The following GPM6A variants were observed in gnomAD, a reference collection of about 807,000 sequenced individuals.
GPM6A encodes the protein glycoprotein M6A.
Under a neutral mutation model 32.1 loss-of-function variants are expected in GPM6A, and 7 were observed. That is an observed-to-expected ratio of 0.22 (90% confidence interval 0.12 to 0.41). GPM6A has a LOEUF of 0.41. GPM6A is among the 10% of genes least tolerant of loss of function. The pLI, the probability that GPM6A is intolerant of heterozygous loss-of-function variation, is 1.00. For synonymous variants in GPM6A, 130 were observed against 123.4 expected, an observed-to-expected ratio of 1.05 and a Z score of -0.35; for missense variants, 235 against 347.2, an observed-to-expected ratio of 0.68 and a Z score of 2.57.
intron 1 of GPM6A, among the ~76,000 whole-genome samples, chr4:175,953,815 C>T (rs371064429): frequency 5.9e-5 from 9 of 152,284 alleles, no homozygotes; most frequent in East Asian, 3.9e-4. Flanking sequence ...AGGAGAATTG[C>T]TTGAACCCGG....
chr4:175,745,205 T>C (rs1488331245), intron 1 of GPM6A, among the ~76,000 whole-genome samples: 1 of 152,194 alleles, frequency 6.6e-6, no homozygotes, highest in East Asian at 1.9e-4. Flanking sequence ...TCTGTTATCC[T>C]GACATACATT....
chr4:175,880,002 G>A (rs1737217916), intron 1 of GPM6A, among the ~76,000 whole-genome samples: 1 of 152,072 alleles, frequency 6.6e-6, no homozygotes. Context: ...TTTTCTTCTA[G>A]GGATTTTATG....
At chr4:175,765,104 C>T (rs912442063) in intron 1 of GPM6A, among the ~76,000 whole-genome samples, 1 of 151,936 alleles carries the variant, frequency 6.6e-6, no homozygotes, top group Non-Finnish European at 1.5e-5. Flanking sequence ...GAACTCCTGA[C>T]CTCAGGTGAT....
intron 1 of GPM6A, among the ~76,000 whole-genome samples, chr4:175,868,360 T>C (rs567335130): frequency 2.6e-5 from 4 of 152,356 alleles, no homozygotes; most frequent in African/African-American, 9.6e-5. Flanking sequence ...CTGTAGTATC[T>C]GTAGTGAAAC....
chr4:175,634,471 T>A lies in GPM6A; in HGVS notation c.*434A>T, dbSNP rs1204072467. The A allele has an allele frequency of 6.2e-6, 1 of 160,864 alleles. No homozygotes were observed. The highest frequency in any genetic ancestry group is 1.4e-5 in the Non-Finnish European group (1 of 73,948). The allele number at this position is 160,864 out of a possible 1,614,324, so 10.0% of individuals were successfully genotyped here. On this transcript the variant is annotated 3_prime_UTR_variant, in exon 7 of 7. Transcript: ENST00000393658. ...TTGTTCATAATGTACAATGGTCCCT[T>A]TGAAGGTTACCTGTAGTTAAACTAG... is the stretch of plus-strand genomic sequence containing the variant.
At chr4:175,879,172 T>C (rs1299637837) in intron 1 of GPM6A, among the ~76,000 whole-genome samples, 2 of 152,166 alleles carry the variant, frequency 1.3e-5, no homozygotes, top group South Asian at 2.1e-4. Context: ...GTCAAAGCCA[T>C]TCACCAAGTC....
chr4:175,641,133 T>C (rs1741119079), intron 4 of GPM6A: 1 of 355,676 alleles, frequency 2.8e-6, no homozygotes, highest in South Asian at 3.2e-5. Context: ...ATTAATGTGA[T>C]AGTATAGGCA....
chr4:175,799,009 A>C (rs1734351494), intron 1 of GPM6A, among the ~76,000 whole-genome samples: 1 of 152,242 alleles, frequency 6.6e-6, no homozygotes, highest in Non-Finnish European at 1.5e-5. Context: ...AATGAGTTCA[A>C]AGATTTCAGT....
intron 1 of GPM6A, chr4:175,906,602 C>T (rs1479225975): frequency 1.3e-5 from 2 of 152,090 alleles, no homozygotes; most frequent in Admixed American, 1.3e-4. Flanking sequence ...TGCATGTCAC[C>T]ACCTCCGCAC....
intron 1 of GPM6A, among the ~76,000 whole-genome samples, chr4:175,737,923 T>C (rs889584538): frequency 6.6e-6 from 1 of 150,822 alleles, no homozygotes; most frequent in East Asian, 1.9e-4. Flanking sequence ...CATCTAAACA[T>C]CTCCCACTAG....
In GPM6A at chr4:175,651,934, G is replaced by A. The variant is rs749337410; in HGVS notation, c.441C>T (p.Phe147=). 1.2e-6 allele frequency: 2 copies of A among 1,612,418 alleles called. No individual in the cohort carries two copies. The highest frequency in any genetic ancestry group is 2.7e-5 in the African/African-American group (2 of 74,828). ...FMLAWLGVTA[F]TSLPVYMYFN... ...AGTACATGTAAACTGGCAGTGAGGTGAAAGCCGTGACTCCCAGCCAGGCCA... is the reference window on the plus strand; with the variant it reads ...AGTACATGTAAACTGGCAGTGAGGTAAAAGCCGTGACTCCCAGCCAGGCCA... Residue 147 remains phenylalanine, a synonymous_variant, in exon 4 of 7, where the codon TTC becomes TTT. Transcript: ENST00000393658.
chr4:175,695,670 G>C (rs775874168), intron 2 of GPM6A, among the ~76,000 whole-genome samples: 18 of 152,138 alleles, frequency 1.2e-4, no homozygotes, highest in Non-Finnish European at 2.2e-4. Context: ...AAAGGAACTG[G>C]CCTCATCTCA....
intron 2 of GPM6A, among the ~76,000 whole-genome samples, chr4:175,690,135 G>A (rs1350479247): frequency 6.6e-6 from 1 of 152,114 alleles, no homozygotes; most frequent in Non-Finnish European, 1.5e-5. Flanking sequence ...ATGTTTTATG[G>A]GGGACAAGGG....
chr4:175,983,028 C>T (rs73873535), intron 1 of GPM6A, among the ~76,000 whole-genome samples: 7,758 of 152,100 alleles, frequency 0.051, 656 homozygotes, highest in African/African-American at 0.17. Context: ...GAACATAACG[C>T]AATTTTATTT....
chr4:175,872,335 CTCT>C (rs1488489064), intron 1 of GPM6A, among the ~76,000 whole-genome samples: 1 of 152,172 alleles, frequency 6.6e-6, no homozygotes, highest in Non-Finnish European at 1.5e-5. Flanking sequence ...CACCCTTCTC[CTCT>C]ATTTCCAGGA....
intron 1 of GPM6A, among the ~76,000 whole-genome samples, chr4:175,765,498 G>A (rs756760228): frequency 1.8e-4 from 28 of 152,058 alleles, no homozygotes; most frequent in Admixed American, 5.9e-4. Flanking sequence ...GATATCCATC[G>A]CCTCAAACAT....
chr4:175,718,314 A>G (rs1379155054), intron 1 of GPM6A, among the ~76,000 whole-genome samples: 1 of 152,198 alleles, frequency 6.6e-6, no homozygotes, highest in Non-Finnish European at 1.5e-5. Flanking sequence ...ACTAATCTAG[A>G]AAAAGAAATA....
intron 1 of GPM6A, among the ~76,000 whole-genome samples, chr4:175,932,415 G>A (rs1447857446): frequency 3.3e-5 from 5 of 152,182 alleles, no homozygotes; most frequent in Non-Finnish European, 7.3e-5. Context: ...ACAAAGAGCA[G>A]CCCTCACCAG....
At chr4:175,748,270 TC>T (rs1279217933) in intron 1 of GPM6A, among the ~76,000 whole-genome samples, 3 of 152,178 alleles carry the variant, frequency 2.0e-5, no homozygotes, top group Admixed American at 6.6e-5. Flanking sequence ...GCGAATACTC[TC>T]CTGAAAGTTT....
Sources: gnomAD v4.1 joint callset for allele counts (sites outside exome capture counted in the v4.1 genomes callset) on GRCh38, gnomAD v4.1.1 for gene constraint, MANE v1.5 for transcripts, NCBI Gene and HGNC (gene_info 2026-07-23, HGNC 2026-07-21) for gene names.